Variants in ZNF423 observed in about 807,000 individuals in gnomAD.
ZNF423 encodes the protein zinc finger protein 423, also known as Ebf-associated zinc finger protein.
ZNF423 carries 12 observed loss-of-function variants against 95.8 expected under a neutral mutation model. The observed-to-expected ratio is 0.13, with a 90% CI of 0.08 to 0.20. ZNF423 has a LOEUF of 0.20. Ranked by LOEUF, ZNF423 falls within the 10% of genes least tolerant of loss-of-function variation. The pLI, the probability that ZNF423 is intolerant of heterozygous loss-of-function variation, is 1.00. For missense variants in ZNF423, 1,316 were observed against 1,737.1 expected (o/e 0.76, Z 4.31); for synonymous variants, 749 against 711.9 (o/e 1.05, Z -0.83).
chr16:49,824,746 C>T (rs1161211171), intron 1 of ZNF423, among the ~76,000 whole-genome samples: 1 of 152,182 alleles, frequency 6.6e-6, no homozygotes, highest in Admixed American at 6.5e-5. Context: ...CAGAAGGAAA[C>T]CTGACCCCTT....
intron 7 of ZNF423, among the ~76,000 whole-genome samples, chr16:49,509,624 A>G (rs1967799086): frequency 6.6e-6 from 1 of 151,990 alleles, no homozygotes; most frequent in Non-Finnish European, 1.5e-5. Context: ...TTCCACCCAG[A>G]GCACCCTGGT....
At chr16:49,646,814 C>T (rs1441636655) in intron 3 of ZNF423, among the ~76,000 whole-genome samples, 1 of 152,090 alleles carries the variant, frequency 6.6e-6, no homozygotes, top group Non-Finnish European at 1.5e-5. Context: ...CCTTGCGATC[C>T]ACCTGCCTTG....
intron 5 of ZNF423, among the ~76,000 whole-genome samples, chr16:49,561,023 G>A (rs994615374): frequency 1.3e-5 from 2 of 152,206 alleles, no homozygotes; most frequent in Non-Finnish European, 2.9e-5. Context: ...GATACTCAGG[G>A]CTCAAACTGA....
chr16:49,647,174 G>A (rs148803527), intron 3 of ZNF423, among the ~76,000 whole-genome samples: 4 of 152,274 alleles, frequency 2.6e-5, no homozygotes, highest in South Asian at 2.1e-4. Context: ...ACCAGGCCCC[G>A]TGACTTGAAC....
chr16:49,511,842 C>G (rs1967911296), intron 7 of ZNF423, among the ~76,000 whole-genome samples: 1 of 152,160 alleles, frequency 6.6e-6, no homozygotes, highest in Non-Finnish European at 1.5e-5. Context: ...AGTAAATAAA[C>G]CAAGGCTTAG....
At chr16:49,854,064 T>G (rs1487409283) in intron 1 of ZNF423, 1 of 985,192 alleles carries the variant, frequency 1.0e-6, no homozygotes, top group Non-Finnish European at 1.2e-6. Flanking sequence ...AGCCCTTCCA[T>G]CAGCAAAAGA....
chr16:49,817,878 GAC>G (rs898909415), intron 1 of ZNF423, among the ~76,000 whole-genome samples: 2 of 152,032 alleles, frequency 1.3e-5, no homozygotes, highest in African/African-American at 2.4e-5. Context: ...GAGAGGTTAA[GAC>G]ACCATTTCAG....
intron 4 of ZNF423, among the ~76,000 whole-genome samples, chr16:49,630,199 C>T (rs1220918190): frequency 3.3e-5 from 5 of 152,110 alleles, no homozygotes; most frequent in South Asian, 2.1e-4. Context: ...CAAAGGAAGA[C>T]GTCTAGGCCA....
upstream of ZNF423, among the ~76,000 whole-genome samples, chr16:49,856,542 G>A (rs1036485660): frequency 2.6e-5 from 4 of 151,582 alleles, no homozygotes; most frequent in African/African-American, 9.7e-5. Flanking sequence ...TGGATGGGGG[G>A]CGGGGGTCCC....
chr16:49,845,035 CAAAAAAAAAAAAAAAAAA>C (rs71138011), intron 1 of ZNF423, among the ~76,000 whole-genome samples: 1 of 63,512 alleles, frequency 1.6e-5, no homozygotes, highest in South Asian at 5.9e-4. Context: ...AACTCCATCT[CAAAAAAAAAAAAAAAAAA>C]AAAAAAAAAA....
intron 5 of ZNF423, among the ~76,000 whole-genome samples, chr16:49,606,130 C>T (rs1278332319): frequency 6.6e-6 from 1 of 152,180 alleles, no homozygotes; most frequent in African/African-American, 2.4e-5. Context: ...AAACTGTAAA[C>T]AGAGTGAAAG....
At chr16:49,779,994 T>C (rs1032781953) in intron 2 of ZNF423, among the ~76,000 whole-genome samples, 1 of 152,032 alleles carries the variant, frequency 6.6e-6, no homozygotes, top group African/African-American at 2.4e-5. Flanking sequence ...ACGAGACAAA[T>C]GACAGCATCC....
intron 5 of ZNF423, among the ~76,000 whole-genome samples, chr16:49,622,347 C>G (rs1972109518): frequency 1.3e-5 from 2 of 152,002 alleles, no homozygotes; most frequent in East Asian, 3.9e-4. Flanking sequence ...TCACCCCAAC[C>G]CCCTCCCCAT....
At chr16:49,766,951 T>TC (rs2033940383) in intron 2 of ZNF423, among the ~76,000 whole-genome samples, 1 of 151,704 alleles carries the variant, frequency 6.6e-6, no homozygotes, top group African/African-American at 2.4e-5. Flanking sequence ...AGAACCCAAT[T>TC]CTTTTTTTTT....
chr16:49,572,505 T>C (rs1970382743), intron 5 of ZNF423, among the ~76,000 whole-genome samples: 2 of 152,264 alleles, frequency 1.3e-5, no homozygotes, highest in Admixed American at 1.3e-4. Context: ...GGCCGTAACA[T>C]TGATACCTAG....
At chr16:49,614,641 C>A (rs1971819092) in intron 5 of ZNF423, among the ~76,000 whole-genome samples, 1 of 152,152 alleles carries the variant, frequency 6.6e-6, no homozygotes, top group Non-Finnish European at 1.5e-5. Context: ...TTGACTGTAT[C>A]AATGTCAATA....
chr16:49,682,543 G>A (rs903937948), intron 3 of ZNF423, among the ~76,000 whole-genome samples: 2 of 152,222 alleles, frequency 1.3e-5, no homozygotes, highest in Admixed American at 6.5e-5. Context: ...GATCCCAGGA[G>A]AGGCCTTGCA....
chr16:49,671,885 A>G (rs895666004), intron 3 of ZNF423, among the ~76,000 whole-genome samples: 9 of 152,004 alleles, frequency 5.9e-5, no homozygotes, highest in Admixed American at 5.9e-4. Flanking sequence ...GGGTTTCACC[A>G]TGTTGCCCAG....
At chr16:49,537,203 T>C (rs1165808698) in intron 5 of ZNF423, among the ~76,000 whole-genome samples, 1 of 152,212 alleles carries the variant, frequency 6.6e-6, no homozygotes, top group Non-Finnish European at 1.5e-5. Context: ...CTGAAGGATG[T>C]AACCCAAATA....
Sources: gnomAD v4.1 joint callset for allele counts (sites outside exome capture counted in the v4.1 genomes callset) on GRCh38, gnomAD v4.1.1 for gene constraint, MANE v1.5 for transcripts, NCBI Gene and HGNC (gene_info 2026-07-23, HGNC 2026-07-21) for gene names.